Variants in THSD7B observed in about 807,000 individuals in gnomAD.
THSD7B encodes the protein thrombospondin type 1 domain containing 7B, also known as thrombospondin type-1 domain-containing protein 7B.
Under a neutral mutation model 213.6 loss-of-function variants are expected in THSD7B, and 138 were observed. The observed-to-expected ratio is 0.65, with a 90% confidence interval of 0.56 to 0.74. The LOEUF is 0.74. Ranked by LOEUF, THSD7B falls within the 30% of genes least tolerant of loss-of-function variation. The probability of loss-of-function intolerance (pLI) is 0.00; values close to 1 mark genes in which losing one functional copy is unlikely to be tolerated. For synonymous variants in THSD7B, 742 were observed against 687.0 expected (o/e 1.08, Z -1.25); for missense variants, 1,931 against 1,991.5 (o/e 0.97, Z 0.58).
At chr2:137,578,255 A>G (rs2105242007) in intron 17 of THSD7B, among the ~76,000 whole-genome samples, 1 of 152,318 alleles carries the variant, frequency 6.6e-6, no homozygotes, top group Admixed American at 6.5e-5. Flanking sequence ...AATACTGAAA[A>G]GAAAAGAGCT....
chr2:137,036,113 G>A (rs1019397481), intron 2 of THSD7B, among the ~76,000 whole-genome samples: 3 of 152,070 alleles, frequency 2.0e-5, no homozygotes, highest in African/African-American at 7.2e-5. Context: ...TGTAATGCAG[G>A]TATTTTAAAT....
chr2:137,323,492 C>T (rs1035542791), intron 12 of THSD7B, among the ~76,000 whole-genome samples: 9 of 152,264 alleles, frequency 5.9e-5, no homozygotes, highest in African/African-American at 2.2e-4. Context: ...TATTTCCAGT[C>T]AAAAGAATAA....
intron 22 of THSD7B, among the ~76,000 whole-genome samples, chr2:137,656,327 T>C (rs1226563274): frequency 1.3e-5 from 2 of 152,048 alleles, no homozygotes; most frequent in African/African-American, 4.8e-5. Context: ...TTATAAATTA[T>C]ATTTCTTGAG....
At chr2:137,047,921 T>A (rs992933646) in intron 2 of THSD7B, among the ~76,000 whole-genome samples, 1 of 152,212 alleles carries the variant, frequency 6.6e-6, no homozygotes, top group Non-Finnish European at 1.5e-5. Flanking sequence ...TTTGTTTTTT[T>A]ATTATACTTT....
At chr2:137,507,248 AAATAG>A (rs1162504146) in intron 15 of THSD7B, among the ~76,000 whole-genome samples, 1 of 152,160 alleles carries the variant, frequency 6.6e-6, no homozygotes, top group Non-Finnish European at 1.5e-5. Flanking sequence ...AAACCACAGA[AAATAG>A]AGCCACCTTA....
intron 2 of THSD7B, chr2:136,990,880 A>G (rs997441176): frequency 1.5e-6 from 2 of 1,342,572 alleles, no homozygotes; most frequent in South Asian, 2.4e-5. Flanking sequence ...TAAAATATTC[A>G]GAGGCGAAAC....
intron 1 of THSD7B, among the ~76,000 whole-genome samples, chr2:136,793,868 A>G (rs544656483): frequency 6.6e-6 from 1 of 151,848 alleles, no homozygotes; most frequent in South Asian, 2.1e-4. Flanking sequence ...TCTTCCTTAA[A>G]TGTTGGGAGG....
At chr2:137,046,730 CAA>C (rs59928985) in intron 2 of THSD7B, among the ~76,000 whole-genome samples, 16 of 44,306 alleles carry the variant, frequency 3.6e-4, no homozygotes, top group East Asian at 7.0e-4. Context: ...AACTCCGTCT[CAA>C]AAAAAAAAAA....
intron 3 of THSD7B, among the ~76,000 whole-genome samples, chr2:137,071,686 A>C (rs1386060193): frequency 6.6e-6 from 1 of 152,056 alleles, no homozygotes; most frequent in African/African-American, 2.4e-5. Context: ...CTATGTCCTG[A>C]ATGATATTGC....
At chr2:137,588,710 C>T (rs575400608) in intron 17 of THSD7B, among the ~76,000 whole-genome samples, 8 of 151,766 alleles carry the variant, frequency 5.3e-5, no homozygotes, top group Non-Finnish European at 1.2e-4. Context: ...GTATGTGTAT[C>T]TCTGGCATTT....
chr2:137,025,410 A>G (rs150070119), intron 2 of THSD7B, among the ~76,000 whole-genome samples: 2 of 152,280 alleles, frequency 1.3e-5, no homozygotes, highest in Non-Finnish European at 2.9e-5. Flanking sequence ...GGCTCTGTCC[A>G]TCACTCTGTT....
At chr2:136,804,583 ATGG>A (rs1682251485) in intron 1 of THSD7B, among the ~76,000 whole-genome samples, 1 of 152,098 alleles carries the variant, frequency 6.6e-6, no homozygotes, top group Non-Finnish European at 1.5e-5. Context: ...CCATAATATT[ATGG>A]TGTTTTGTAA....
At chr2:136,794,873 T>A (rs1035706437) in intron 1 of THSD7B, among the ~76,000 whole-genome samples, 4 of 152,004 alleles carry the variant, frequency 2.6e-5, no homozygotes, top group Admixed American at 6.6e-5. Flanking sequence ...TATCCATGTC[T>A]TTCAGTTAAA....
chr2:136,778,574 G>C (rs1326834316), intron 1 of THSD7B, among the ~76,000 whole-genome samples: 1 of 152,170 alleles, frequency 6.6e-6, no homozygotes, highest in African/African-American at 2.4e-5. Flanking sequence ...AAAGTTCTAT[G>C]AGAAATATTT....
At chr2:137,630,840 G>C (rs1046392643) in intron 20 of THSD7B, among the ~76,000 whole-genome samples, 1 of 152,174 alleles carries the variant, frequency 6.6e-6, no homozygotes, top group Admixed American at 6.5e-5. Context: ...GTGGGCATGC[G>C]AGTTACCTGG....
chr2:136,773,922 T>G (rs1681555437), intron 1 of THSD7B, among the ~76,000 whole-genome samples: 1 of 151,638 alleles, frequency 6.6e-6, no homozygotes, highest in African/African-American at 2.4e-5. Context: ...CTTCCATGAC[T>G]GCTTTCAAGA....
chr2:137,496,692 T>G lies in THSD7B; in HGVS notation c.3138+45669T>G, dbSNP rs1169765722. On this transcript the variant is annotated intron_variant, in intron 15 of 27. Coordinates refer to ENST00000409968, the MANE Select transcript of THSD7B (RefSeq NM_001316349.2). ...CATTTATTTATAAGATAAACTCTTG[T>G]AATTGGAAGGATTCTAAAGTGATCA... Among the ~76,000 whole-genome samples, 4 of 152,232 alleles carry G rather than the reference T, an allele frequency of 2.6e-5. No individual in the cohort carries two copies. In the South Asian group the frequency reaches 8.3e-4, roughly 31 times the overall value.
At chr2:137,638,415 C>G (rs1247069648) in intron 20 of THSD7B, among the ~76,000 whole-genome samples, 6 of 152,184 alleles carry the variant, frequency 3.9e-5, no homozygotes, top group Non-Finnish European at 2.9e-5. Flanking sequence ...CCTTTCACCT[C>G]CCACCATGAT....
chr2:137,416,267 C>T (rs1686796583), intron 14 of THSD7B, among the ~76,000 whole-genome samples: 2 of 152,256 alleles, frequency 1.3e-5, no homozygotes, highest in South Asian at 4.1e-4. Flanking sequence ...CATGGGCCTG[C>T]TTGCAGTCTT....
Sources: allele counts gnomAD v4.1 joint callset (sites outside exome capture counted in the v4.1 genomes callset), GRCh38; gene constraint gnomAD v4.1.1; transcripts MANE v1.5; gene names NCBI Gene and HGNC (gene_info 2026-07-23, HGNC 2026-07-21).